CSMD1: variants seen among roughly 807,000 people sequenced by gnomAD.
CSMD1 encodes the protein CUB and Sushi multiple domains 1, also known as CUB and sushi domain-containing protein 1.
CSMD1 carries 213 observed loss-of-function variants against 417.5 expected under a neutral mutation model. That is an observed-to-expected ratio of 0.51 (90% CI 0.46 to 0.57). The LOEUF is 0.57. CSMD1 is among the 20% of genes least tolerant of loss of function. The pLI is 0.00. For synonymous variants in CSMD1, 2,862 were observed against 1,736.8 expected (o/e 1.65, Z -16.11); for missense variants, 6,923 against 4,529.7 (o/e 1.53, Z -15.17).
chr8:3,040,429 ATG>A (rs1374501361), intron 50 of CSMD1, among the ~76,000 whole-genome samples: 1 of 147,412 alleles, frequency 6.8e-6, no homozygotes, highest in African/African-American at 2.5e-5. Context: ...AAATATATAT[ATG>A]TATATACAAA....
rs79864733 is a variant in CSMD1 at position 4,722,676 on chromosome 8, A to T, written c.86-85118T>A. On this transcript the variant is annotated intron_variant, in intron 1 of 69. Coordinates refer to ENST00000635120, the MANE Select transcript of CSMD1 (RefSeq NM_033225.6). Reference sequence around the variant, plus strand: ...TCATTACTATCCTCAGCGGAAAAAAAAAGTTTCTAATTTTTCTAATTTGAA... The same window carrying T: ...TCATTACTATCCTCAGCGGAAAAAATAAGTTTCTAATTTTTCTAATTTGAA... 7.9e-3 allele frequency among the ~76,000 whole-genome samples: 1,210 copies of T among 152,280 alleles called. 9 individuals carry two copies. Among genetic ancestry groups the T allele is most frequent in the Non-Finnish European group, 0.013 (866 of 68,022 alleles).
chr8:4,494,959 A>T (rs1585164055), intron 2 of CSMD1, among the ~76,000 whole-genome samples: 1 of 152,184 alleles, frequency 6.6e-6, no homozygotes, highest in East Asian at 1.9e-4. Flanking sequence ...GGCAGCAGAA[A>T]AAAACAGTGG....
chr8:4,126,689 G>A (rs192294848), intron 3 of CSMD1, among the ~76,000 whole-genome samples: 25 of 152,166 alleles, frequency 1.6e-4, no homozygotes, highest in African/African-American at 5.1e-4. Context: ...ATTAATCATT[G>A]GTTGGTTACT....
intron 41 of CSMD1, chr8:3,127,798 A>T (rs1199327793): frequency 6.6e-6 from 1 of 152,006 alleles, no homozygotes; most frequent in Non-Finnish European, 1.5e-5. Context: ...ATTAGAATGC[A>T]GCAATATGCT....
intron 3 of CSMD1, among the ~76,000 whole-genome samples, chr8:4,387,573 A>AAAAAAAAAAAAAT (rs1803539716): frequency 7.1e-6 from 1 of 140,152 alleles, no homozygotes; most frequent in Non-Finnish European, 1.5e-5. Context: ...AAACTGGCAA[A>AAAAAAAAAAAAAT]AAAAAAAAAA....
At chr8:3,477,957 G>C (rs181891700) in intron 11 of CSMD1, among the ~76,000 whole-genome samples, 1 of 152,170 alleles carries the variant, frequency 6.6e-6, no homozygotes, top group African/African-American at 2.4e-5. Flanking sequence ...TAAGTCAAGG[G>C]AGTGCTTTCA....
At chr8:4,461,021 C>G (rs1554486825) in intron 2 of CSMD1, among the ~76,000 whole-genome samples, 1 of 152,082 alleles carries the variant, frequency 6.6e-6, no homozygotes, top group South Asian at 2.1e-4. Context: ...CAAAACAAAT[C>G]AAGAAATTCA....
At chr8:4,337,323 C>G (rs1029345089) in intron 3 of CSMD1, among the ~76,000 whole-genome samples, 17 of 152,010 alleles carry the variant, frequency 1.1e-4, no homozygotes, top group African/African-American at 3.9e-4. Flanking sequence ...AAAATTTCTC[C>G]CAGTTACCCC....
intron 26 of CSMD1, among the ~76,000 whole-genome samples, chr8:3,247,425 C>G (rs370842934): frequency 7.9e-4 from 121 of 152,290 alleles, no homozygotes; most frequent in Middle Eastern, 3.4e-3. Flanking sequence ...TATTTCCATG[C>G]TCCTTGTATC....
chr8:4,787,566 C>A (rs898880304), intron 1 of CSMD1: 7 of 1,474,528 alleles, frequency 4.7e-6, no homozygotes, highest in Non-Finnish European at 6.6e-6. Flanking sequence ...GGGGAGACAG[C>A]TTTCATTGCA....
chr8:4,537,628 T>A (rs1797164052), intron 2 of CSMD1, among the ~76,000 whole-genome samples: 1 of 152,210 alleles, frequency 6.6e-6, no homozygotes. Flanking sequence ...CACTATTCTA[T>A]AAACATTTCA....
chr8:3,369,918 C>G (rs1004338529), intron 18 of CSMD1, among the ~76,000 whole-genome samples: 1 of 152,176 alleles, frequency 6.6e-6, no homozygotes. Context: ...GCTCTGTGAT[C>G]TCTGGTAAGT....
At chr8:3,952,066 A>G (rs527853430) in intron 5 of CSMD1, among the ~76,000 whole-genome samples, 3 of 152,350 alleles carry the variant, frequency 2.0e-5, no homozygotes, top group South Asian at 2.1e-4. Flanking sequence ...AAAATTCATT[A>G]GTTGTTTGAA....
At chr8:4,311,582 G>A (rs562709736) in intron 3 of CSMD1, among the ~76,000 whole-genome samples, 1 of 151,986 alleles carries the variant, frequency 6.6e-6, no homozygotes, top group African/African-American at 2.4e-5. Context: ...ACTGAGCCAG[G>A]TGTGGTTGTG....
chr8:4,171,945 T>C (rs942330147), intron 3 of CSMD1, among the ~76,000 whole-genome samples: 4 of 152,188 alleles, frequency 2.6e-5, no homozygotes, highest in Non-Finnish European at 4.4e-5. Flanking sequence ...AGATTTTGTG[T>C]TCTTTCTTGC....
intron 37 of CSMD1, among the ~76,000 whole-genome samples, chr8:3,164,869 T>C (rs1236732089): frequency 6.6e-6 from 1 of 152,184 alleles, no homozygotes; most frequent in Non-Finnish European, 1.5e-5. Context: ...ATATGATGTG[T>C]TTTTATTATA....
intron 2 of CSMD1, among the ~76,000 whole-genome samples, chr8:4,545,383 C>T (rs1241826780): frequency 6.6e-6 from 1 of 152,154 alleles, no homozygotes; most frequent in Non-Finnish European, 1.5e-5. Flanking sequence ...ATGGAGTTTT[C>T]AATCAATGAA....
At chr8:4,002,748 G>C (rs771056759) in intron 4 of CSMD1, among the ~76,000 whole-genome samples, 4 of 152,152 alleles carry the variant, frequency 2.6e-5, no homozygotes, top group Non-Finnish European at 5.9e-5. Flanking sequence ...GATGAGTGAA[G>C]AGACATTATT....
intron 5 of CSMD1, among the ~76,000 whole-genome samples, chr8:3,985,860 CATCAGATA>C (rs1362303600): frequency 5.2e-4 from 79 of 151,614 alleles, no homozygotes; most frequent in Non-Finnish European, 4.4e-5. Context: ...TCTGTCTGAG[CATCAGATA>C]ATTTTTCTTC....
Sources: gnomAD v4.1 joint callset for allele counts (sites outside exome capture counted in the v4.1 genomes callset) on GRCh38, gnomAD v4.1.1 for gene constraint, MANE v1.5 for transcripts, NCBI Gene and HGNC (gene_info 2026-07-23, HGNC 2026-07-21) for gene names.